HDAC1: variants seen among roughly 807,000 people sequenced by gnomAD.
HDAC1 encodes protein deacetylase HDAC1.
HDAC1 carries 18 observed loss-of-function variants against 65.5 expected under a neutral mutation model. The ratio of observed to expected loss-of-function variants is 0.27; its 90% CI spans 0.19 to 0.41. The LOEUF (loss-of-function observed/expected upper bound fraction) is 0.41, where lower values mean the gene tolerates loss of function less well. Among genes scored for constraint, HDAC1 ranks in the 10% least tolerant of loss-of-function variants. HDAC1 has a pLI of 1.00. For synonymous variants in HDAC1, 211 were observed against 227.9 expected, an observed-to-expected ratio of 0.93 and a Z score of 0.67; for missense variants, 373 against 625.2, an observed-to-expected ratio of 0.60 and a Z score of 4.30.
intron 2 of HDAC1, among the ~76,000 whole-genome samples, chr1:32,314,395 G>A (rs531680352): frequency 1.3e-5 from 2 of 152,002 alleles, no homozygotes; most frequent in South Asian, 2.1e-4. Context: ...GTTTCACCAC[G>A]TTGCCCAGGC....
intron 2 of HDAC1, among the ~76,000 whole-genome samples, chr1:32,315,811 C>CA (rs765384869): frequency 6.8e-6 from 1 of 147,440 alleles, no homozygotes; most frequent in African/African-American, 2.5e-5. Flanking sequence ...ACTAAAAATA[C>CA]AAAAATTAGC....
Position 32,327,167 on chromosome 1 carries a change from T to A in HDAC1, c.494+90T>A. On this transcript the variant is annotated intron_variant, in intron 5 of 13. Transcript: ENST00000373548. This position sits in a 1 kb window ranked among gnomAD's most constrained non-coding sequence, Gnocchi z 6.0. Reference sequence around the variant, plus strand: ...CCTGGGCTTGCCTCCCTAGTTTGCTTTTCCTACCGATGTGCTGGCTAGGAT... The same window carrying A: ...CCTGGGCTTGCCTCCCTAGTTTGCTATTCCTACCGATGTGCTGGCTAGGAT... The A allele has an allele frequency of 7.4e-7, 1 of 1,350,166 alleles. No individual in the cohort carries two copies. Among genetic ancestry groups the A allele is most frequent in the Non-Finnish European group, 1.0e-6 (1 of 960,022 alleles). The allele number at this position is 1,350,166 out of a possible 1,614,324, so 83.6% of individuals were successfully genotyped here.
At chr1:32,292,328 A>T in intron 1 of HDAC1, 110 bp downstream of exon 1, 3 of 1,516,958 alleles carry the variant, frequency 2.0e-6, no homozygotes, top group South Asian at 2.4e-5. Context: ...GGCGCTGGGG[A>T]GAGGCTCGGA....
chr1:32,316,633 A>G (rs536258244), intron 2 of HDAC1, 32 bp from the exon 3 acceptor site: 2 of 1,300,216 alleles, frequency 1.5e-6, no homozygotes, highest in African/African-American at 2.9e-5. Context: ...GTGGTCAAAA[A>G]TAACTTGCCC....
At position 32,307,000 on chromosome 1, in the gene HDAC1, C is replaced by T. The variant is rs1021402333; in HGVS notation, c.162+4267C>T. Among the ~76,000 whole-genome samples, 4 of 152,166 alleles carry T rather than the reference C, an allele frequency of 2.6e-5. 1 individual carries two copies. The highest frequency in any genetic ancestry group is 9.7e-5 in the African/African-American group (4 of 41,440). ...GTGGCTCATGTCTGTAATCCCAGCA[C>T]TTTGGGAGGCCAAAGCCGGTGGATC... On this transcript the variant is annotated intron_variant, in intron 2 of 13. Coordinates refer to ENST00000373548, the MANE Select transcript of HDAC1 (RefSeq NM_004964.3).
At chr1:32,326,857 C>T (rs776882716) in intron 4 of HDAC1, 82 bp from the exon 5 acceptor site, 35 of 1,518,960 alleles carry the variant, frequency 2.3e-5, no homozygotes, top group Non-Finnish European at 3.0e-5. Context: ...AGGTCTTAAC[C>T]TTTCACTAGG....
At chr1:32,292,390 G>C (rs1640709568) in intron 1 of HDAC1, 172 bp downstream of exon 1, 1 of 985,184 alleles carries the variant, frequency 1.0e-6, no homozygotes, top group South Asian at 4.7e-5. Context: ...TGCGAGGAAG[G>C]GAGATCGAGG....
At chr1:32,328,967 C>G in intron 6 of HDAC1, 101 bp from the exon 7 acceptor site, 2 of 787,628 alleles carry the variant, frequency 2.5e-6, no homozygotes, top group Admixed American at 3.5e-5. Context: ...ATGGGCCTAG[C>G]TTGTCTCTCT....
chr1:32,305,970 C>T (rs560547888), intron 2 of HDAC1, among the ~76,000 whole-genome samples: 1 of 152,074 alleles, frequency 6.6e-6, no homozygotes, highest in Non-Finnish European at 1.5e-5. Context: ...ACTCATCAAG[C>T]ACCTACTTTG....
Position 32,333,138 on chromosome 1 carries a change from A to G in HDAC1, c.*94A>G, listed in dbSNP as rs1022090536. ...ATTTTCTATTTCTCTGTGTATTTAT[A>G]TAAAAATTTATTAAATATAAATATC... On this transcript the variant is annotated 3_prime_UTR_variant, in exon 14 of 14. Transcript: ENST00000373548. The G allele has an allele frequency of 3.0e-6, 3 of 1,009,178 alleles. No individual in the cohort carries two copies. The highest frequency in any genetic ancestry group is 2.6e-5 in the Admixed American group (1 of 38,408). 62.5% of individuals were successfully genotyped at this position (1,009,178 alleles called of 1,614,324 possible).
rs1010486225 is a variant in HDAC1, at chr1:32,331,837, C to G, written c.1219+31C>G. ...ACCCAGACCTAGAGCCCTATGCCTT[C>G]CATTCAATAGGCAGCTCACACTTCC... On this transcript the variant is annotated intron_variant, in intron 11 of 13. Coordinates refer to ENST00000373548, the MANE Select transcript of HDAC1 (RefSeq NM_004964.3). This position sits in a 1 kb window ranked among gnomAD's most constrained non-coding sequence, Gnocchi z 4.2. 3 of 1,575,470 alleles carry G rather than the reference C, an allele frequency of 1.9e-6. No individual in the cohort carries two copies. The highest frequency in any genetic ancestry group is 2.6e-6 in the Non-Finnish European group (3 of 1,158,914).
intron 1 of HDAC1, among the ~76,000 whole-genome samples, chr1:32,295,481 G>A (rs1430035928): frequency 6.6e-6 from 1 of 152,156 alleles, no homozygotes; most frequent in Non-Finnish European, 1.5e-5. Context: ...CAAGATCAGG[G>A]TGCCAGCATT....
At chr1:32,298,223 G>A (rs1640796757) in intron 1 of HDAC1, among the ~76,000 whole-genome samples, 1 of 151,566 alleles carries the variant, frequency 6.6e-6, no homozygotes, top group Admixed American at 6.6e-5. Context: ...TGAGTAGCTG[G>A]GATTACAGGC....
chr1:32,297,192 T>C (rs1364895204), intron 1 of HDAC1, among the ~76,000 whole-genome samples: 1 of 152,180 alleles, frequency 6.6e-6, no homozygotes, highest in Non-Finnish European at 1.5e-5. Context: ...TTTGTAGTCA[T>C]ATCATTTTGC....
chr1:32,326,468 CTT>C (rs1170441727), intron 4 of HDAC1, among the ~76,000 whole-genome samples: 12 of 152,034 alleles, frequency 7.9e-5, no homozygotes, highest in Admixed American at 7.9e-4. Flanking sequence ...CATGGCCTAT[CTT>C]TGGTATTTTT....
intron 2 of HDAC1, among the ~76,000 whole-genome samples, chr1:32,309,691 A>AC (rs944181922): frequency 2.1e-4 from 31 of 148,400 alleles, no homozygotes; most frequent in African/African-American, 6.8e-4. Flanking sequence ...AAAAAAAAAA[A>AC]AAAAAAAAAA....
chr1:32,313,421 AAGAC>A (rs987522406), intron 2 of HDAC1, among the ~76,000 whole-genome samples: 1 of 152,078 alleles, frequency 6.6e-6, no homozygotes, highest in Non-Finnish European at 1.5e-5. Flanking sequence ...AAAAGAGAAA[AAGAC>A]AGGGTCTCAC....
chr1:32,330,915 G>C lies in HDAC1; in HGVS notation c.979+7G>C. Reference sequence around the variant, plus strand: ...GATACGGAGATCCCTAATGGTAATAGCTGCAGGGCCAGGTTCGGCTGGGCT... The same window carrying C: ...GATACGGAGATCCCTAATGGTAATACCTGCAGGGCCAGGTTCGGCTGGGCT... On this transcript the variant is annotated splice_region_variant and intron_variant, in intron 9 of 13. Transcript: ENST00000373548. This position sits in a 1 kb window ranked among gnomAD's most constrained non-coding sequence, Gnocchi z 4.2. 6.2e-7 allele frequency: 1 copy of C among 1,614,060 alleles called. No homozygotes were observed. The highest frequency in any genetic ancestry group is 8.5e-7 in the Non-Finnish European group (1 of 1,179,936).
chr1:32,322,379 T>A (rs1029237879), intron 3 of HDAC1, among the ~76,000 whole-genome samples: 1 of 151,856 alleles, frequency 6.6e-6, no homozygotes, highest in Non-Finnish European at 1.5e-5. Flanking sequence ...TGGGTTCAAG[T>A]GATTCTCCTG....
Sources: gnomAD v4.1 joint callset for allele counts (sites outside exome capture counted in the v4.1 genomes callset) on GRCh38, gnomAD v4.1.1 for gene constraint, Gnocchi (gnomAD v3.1) non-coding constraint, MANE v1.5 for transcripts, NCBI Gene and HGNC (gene_info 2026-07-23, HGNC 2026-07-21) for gene names.